Variants in ADGRL2 observed in about 807,000 individuals in gnomAD.
The protein encoded by ADGRL2 is adhesion G protein-coupled receptor L2.
In ADGRL2, 44 loss-of-function variants were observed where a neutral mutation model predicts 157.4. The ratio of observed to expected loss-of-function variants is 0.28; its 90% CI spans 0.22 to 0.36. The LOEUF (loss-of-function observed/expected upper bound fraction) is 0.36. Among genes scored for constraint, ADGRL2 ranks in the 10% least tolerant of loss-of-function variants. The pLI is 1.00. For synonymous variants in ADGRL2, 585 were observed against 624.7 expected (o/e 0.94, Z 0.95); for missense variants, 1,510 against 1,768.9 (o/e 0.85, Z 2.63).
chr1:81,643,382 G>A (rs932987547), intron 3 of ADGRL2, among the ~76,000 whole-genome samples: 1 of 152,236 alleles, frequency 6.6e-6, no homozygotes, highest in Non-Finnish European at 1.5e-5. Context: ...GTACAGTCAT[G>A]GCTCACTGCA....
chr1:81,594,368 A>G (rs1166047229), intron 3 of ADGRL2, among the ~76,000 whole-genome samples: 2 of 152,254 alleles, frequency 1.3e-5, no homozygotes, highest in Non-Finnish European at 2.9e-5. Flanking sequence ...GAAGAATTCA[A>G]AGTGGAAATG....
chr1:81,356,683 A>G (rs375338720), intron 1 of ADGRL2, among the ~76,000 whole-genome samples: 38 of 152,142 alleles, frequency 2.5e-4, no homozygotes, highest in East Asian at 1.2e-3. Context: ...GCTGGGTGCA[A>G]TGGCTCACGC....
intron 1 of ADGRL2, among the ~76,000 whole-genome samples, chr1:81,727,787 G>A (rs539892114): frequency 2.0e-5 from 3 of 150,950 alleles, no homozygotes; most frequent in African/African-American, 7.3e-5. Context: ...TTTAATGGCT[G>A]CACAGTATTC....
intron 1 of ADGRL2, among the ~76,000 whole-genome samples, chr1:81,716,935 T>C (rs1428812112): frequency 6.6e-6 from 1 of 152,216 alleles, no homozygotes; most frequent in Non-Finnish European, 1.5e-5. Flanking sequence ...TGATCTTCAG[T>C]CTTCTCATCC....
At chr1:81,466,392 C>T (rs1310915132) in intron 2 of ADGRL2, among the ~76,000 whole-genome samples, 1 of 152,138 alleles carries the variant, frequency 6.6e-6, no homozygotes, top group Non-Finnish European at 1.5e-5. Flanking sequence ...TAGGCCGTGG[C>T]ATTACAGCAG....
chr1:81,521,370 A>T (rs1245894927), intron 2 of ADGRL2, among the ~76,000 whole-genome samples: 1 of 152,222 alleles, frequency 6.6e-6, no homozygotes, highest in African/African-American at 2.4e-5. Flanking sequence ...ATAAAATTAT[A>T]TAATATATAC....
intron 2 of ADGRL2, among the ~76,000 whole-genome samples, chr1:81,896,136 G>T (rs1433469697): frequency 1.3e-5 from 2 of 152,144 alleles, no homozygotes; most frequent in Non-Finnish European, 2.9e-5. Context: ...CTGCGGAGAT[G>T]ATGAAATTGT....
chr1:81,754,708 C>T (rs528719330), intron 1 of ADGRL2, among the ~76,000 whole-genome samples: 1 of 146,596 alleles, frequency 6.8e-6, no homozygotes, highest in African/African-American at 2.6e-5. Flanking sequence ...CTTCCTTCCT[C>T]TCTCTCTCTT....
At chr1:81,526,295 T>A (rs1030672710) in intron 2 of ADGRL2, among the ~76,000 whole-genome samples, 1 of 152,204 alleles carries the variant, frequency 6.6e-6, no homozygotes, top group East Asian at 1.9e-4. Flanking sequence ...GGTCTAGGAA[T>A]AATAAAAGTT....
At chr1:81,323,096 G>C (rs1200573492) in intron 1 of ADGRL2, among the ~76,000 whole-genome samples, 3 of 151,976 alleles carry the variant, frequency 2.0e-5, no homozygotes, top group Non-Finnish European at 2.9e-5. Flanking sequence ...GATCTCAAGT[G>C]ATCTACCCAA....
rs920813389 is a variant in ADGRL2, at chr1:81,767,970, T to C, written c.-101+6118T>C. On this transcript the variant is annotated intron_variant, in intron 2 of 20. Coordinates refer to the ADGRL2 transcript ENST00000359929. ...CACAGTAACAATGTTACACTCCTAC[T>C]AGGAGTATAAAGATAAATATTATGA... Among the ~76,000 whole-genome samples the C allele has an allele frequency of 3.3e-5, 5 of 152,132 alleles. 1 individual carries two copies. Among genetic ancestry groups the C allele is most frequent in the Non-Finnish European group, 7.4e-5 (5 of 68,010 alleles).
intron 2 of ADGRL2, among the ~76,000 whole-genome samples, chr1:81,541,617 A>G (rs2079885287): frequency 6.6e-6 from 1 of 152,184 alleles, no homozygotes; most frequent in East Asian, 1.9e-4. Context: ...CAAATGTAGC[A>G]AATGATCTCA....
At chr1:81,856,412 C>G (rs1344731623) in intron 2 of ADGRL2, among the ~76,000 whole-genome samples, 2 of 152,114 alleles carry the variant, frequency 1.3e-5, no homozygotes, top group Non-Finnish European at 2.9e-5. Flanking sequence ...TATGAAGCCA[C>G]AGCCTACATT....
chr1:81,533,340 T>C (rs936448308), intron 2 of ADGRL2, among the ~76,000 whole-genome samples: 2 of 152,050 alleles, frequency 1.3e-5, no homozygotes, highest in African/African-American at 2.4e-5. Flanking sequence ...GATTGTGCCA[T>C]TGCACTCCAG....
intron 2 of ADGRL2, among the ~76,000 whole-genome samples, chr1:81,847,056 C>A: frequency 6.7e-6 from 1 of 150,196 alleles, no homozygotes; most frequent in Non-Finnish European, 1.5e-5. Flanking sequence ...GAACATTTCT[C>A]CAGTTGGAAG....
At chr1:81,505,247 C>T (rs1322725067) in intron 2 of ADGRL2, 70 of 534,864 alleles carry the variant, frequency 1.3e-4, no homozygotes, top group South Asian at 1.0e-3. Flanking sequence ...CGAGGGCTGA[C>T]CTCCTCTGGC....
At chr1:81,901,777 A>G (rs2094492174) in intron 2 of ADGRL2, among the ~76,000 whole-genome samples, 1 of 152,340 alleles carries the variant, frequency 6.6e-6, no homozygotes, top group East Asian at 1.9e-4. Context: ...GTTCCTTTAA[A>G]GTAGCATTGT....
chr1:81,601,844 T>G (rs1431178293), intron 3 of ADGRL2, among the ~76,000 whole-genome samples: 3 of 152,178 alleles, frequency 2.0e-5, no homozygotes, highest in Non-Finnish European at 1.5e-5. Context: ...GAAAGGGTTT[T>G]TAACAGTTTA....
At chr1:81,329,090 C>T (rs566819410) in intron 1 of ADGRL2, among the ~76,000 whole-genome samples, 1 of 152,070 alleles carries the variant, frequency 6.6e-6, no homozygotes, top group South Asian at 2.1e-4. Flanking sequence ...GTCGAGTTTT[C>T]ACGATTATAA....
Sources: gnomAD v4.1 joint callset for allele counts (sites outside exome capture counted in the v4.1 genomes callset) on GRCh38, gnomAD v4.1.1 for gene constraint, MANE v1.5 for transcripts, NCBI Gene and HGNC (gene_info 2026-07-23, HGNC 2026-07-21) for gene names.